Variants in CNTNAP2 observed in about 807,000 individuals in gnomAD.
CNTNAP2 encodes the protein contactin-associated protein-like 2.
CNTNAP2 carries 98 observed loss-of-function variants against 155.2 expected under a neutral mutation model. The observed-to-expected ratio is 0.63, with a 90% CI of 0.54 to 0.75. CNTNAP2 has a LOEUF of 0.75. Ranked by LOEUF, CNTNAP2 falls within the 30% of genes least tolerant of loss-of-function variation. The pLI, the probability that CNTNAP2 is intolerant of heterozygous loss-of-function variation, is 0.00. For synonymous variants in CNTNAP2, 651 were observed against 631.2 expected, an observed-to-expected ratio of 1.03 and a Z score of -0.47; for missense variants, 1,727 against 1,688.1, an observed-to-expected ratio of 1.02 and a Z score of -0.40.
chr7:147,190,042 C>A (rs1289172339), intron 8 of CNTNAP2, among the ~76,000 whole-genome samples: 1 of 152,076 alleles, frequency 6.6e-6, no homozygotes. Flanking sequence ...CCGTGCCCAC[C>A]CTTAACACCA....
At chr7:148,005,113 A>G (rs150161588) in intron 15 of CNTNAP2, among the ~76,000 whole-genome samples, 64 of 152,250 alleles carry the variant, frequency 4.2e-4, no homozygotes, top group African/African-American at 1.5e-3. Flanking sequence ...TAAACAACTG[A>G]AATTTGTATC....
At chr7:147,509,320 T>C (rs538476284) in intron 11 of CNTNAP2, among the ~76,000 whole-genome samples, 1 of 152,312 alleles carries the variant, frequency 6.6e-6, no homozygotes, top group African/African-American at 2.4e-5. Flanking sequence ...TGTCAAAAAA[T>C]ATCTTATTAA....
chr7:147,716,272 G>A (rs115777840), intron 13 of CNTNAP2, among the ~76,000 whole-genome samples: 1,640 of 152,248 alleles, frequency 0.011, 29 homozygotes, highest in African/African-American at 0.037. Flanking sequence ...CACACAGAGT[G>A]AGGTTAACAG....
intron 10 of CNTNAP2, among the ~76,000 whole-genome samples, chr7:147,407,854 G>C (rs1020311859): frequency 6.6e-6 from 1 of 152,250 alleles, no homozygotes; most frequent in East Asian, 1.9e-4. Flanking sequence ...CATTAGCCTC[G>C]GATGATGAGA....
At chr7:148,159,706 A>T (rs1405359287) in intron 17 of CNTNAP2, among the ~76,000 whole-genome samples, 1 of 152,152 alleles carries the variant, frequency 6.6e-6, no homozygotes, top group African/African-American at 2.4e-5. Context: ...GTATGTGTGT[A>T]CCTAATTTCA....
At chr7:146,184,653 G>A (rs1343808782) in intron 1 of CNTNAP2, among the ~76,000 whole-genome samples, 1 of 152,148 alleles carries the variant, frequency 6.6e-6, no homozygotes, top group Non-Finnish European at 1.5e-5. Flanking sequence ...TTCCCCAGGT[G>A]GATATTGGTA....
chr7:146,561,919 T>G (rs1798285638), intron 1 of CNTNAP2, among the ~76,000 whole-genome samples: 2 of 151,990 alleles, frequency 1.3e-5, no homozygotes, highest in South Asian at 4.2e-4. Flanking sequence ...GCCTCCTGAG[T>G]AGCTGGAACC....
intron 21 of CNTNAP2, among the ~76,000 whole-genome samples, chr7:148,377,131 C>G (rs13243666): frequency 0.25 from 16,676 of 66,790 alleles, 7,659 homozygotes; most frequent in East Asian, 0.9. Context: ...TTCTATTTCT[C>G]TCTCTCCAAG....
At chr7:147,391,350 G>A (rs889541811) in intron 9 of CNTNAP2, among the ~76,000 whole-genome samples, 1 of 151,878 alleles carries the variant, frequency 6.6e-6, no homozygotes, top group Admixed American at 6.6e-5. Context: ...TTCTGCCACT[G>A]TAAGTCATCC....
At chr7:147,891,349 C>T (rs541722142) in intron 13 of CNTNAP2, among the ~76,000 whole-genome samples, 1 of 151,934 alleles carries the variant, frequency 6.6e-6, no homozygotes, top group Admixed American at 6.6e-5. Context: ...GGATTGCAGG[C>T]GTGCACCATC....
At chr7:148,249,187 G>C (rs963501838) in intron 20 of CNTNAP2, among the ~76,000 whole-genome samples, 5 of 152,126 alleles carry the variant, frequency 3.3e-5, no homozygotes, top group Non-Finnish European at 5.9e-5. Context: ...CTGGGCTGCT[G>C]TCCACCACTG....
intron 15 of CNTNAP2, among the ~76,000 whole-genome samples, chr7:148,058,729 G>C (rs181852295): frequency 1.3e-5 from 2 of 152,158 alleles, no homozygotes; most frequent in South Asian, 4.1e-4. Flanking sequence ...ATTGAAAATA[G>C]GAAGAAGGAG....
At chr7:146,123,596 A>G (rs559898152) in intron 1 of CNTNAP2, among the ~76,000 whole-genome samples, 1 of 152,320 alleles carries the variant, frequency 6.6e-6, no homozygotes, top group East Asian at 1.9e-4. Flanking sequence ...ATATTGAAAT[A>G]GTATGTGAAA....
intron 17 of CNTNAP2, among the ~76,000 whole-genome samples, chr7:148,164,935 A>T (rs1432563568): frequency 1.3e-5 from 2 of 151,898 alleles, no homozygotes; most frequent in African/African-American, 2.4e-5. Flanking sequence ...GGCATGAGCC[A>T]CCATACCTGG....
chr7:146,907,227 C>T (rs1796153372), intron 3 of CNTNAP2, among the ~76,000 whole-genome samples: 1 of 150,674 alleles, frequency 6.6e-6, no homozygotes, highest in Admixed American at 6.6e-5. Context: ...AAACACTCTG[C>T]AGGATATTAT....
At chr7:147,993,067 T>C (rs1280435348) in intron 15 of CNTNAP2, among the ~76,000 whole-genome samples, 2 of 152,184 alleles carry the variant, frequency 1.3e-5, no homozygotes, top group East Asian at 1.9e-4. Context: ...CTCATTGACA[T>C]AGCTGAGATG....
intron 11 of CNTNAP2, among the ~76,000 whole-genome samples, chr7:147,538,508 C>A (rs1799586865): frequency 6.6e-6 from 1 of 151,858 alleles, no homozygotes; most frequent in South Asian, 2.1e-4. Flanking sequence ...AAACTTAGCC[C>A]ATGAGGTGGC....
intron 1 of CNTNAP2, among the ~76,000 whole-genome samples, chr7:146,764,076 T>C (rs761330202): frequency 6.6e-6 from 1 of 152,176 alleles, no homozygotes; most frequent in Admixed American, 6.5e-5. Context: ...AACCAGTTAA[T>C]GAAACCAGAG....
At chr7:147,176,960 T>G (rs1423631352) in intron 8 of CNTNAP2, among the ~76,000 whole-genome samples, 2 of 138,274 alleles carry the variant, frequency 1.4e-5, no homozygotes, top group Non-Finnish European at 3.1e-5. Flanking sequence ...TAAATATAAT[T>G]ATAATTCTAT....
Sources: gnomAD v4.1 joint callset for allele counts (sites outside exome capture counted in the v4.1 genomes callset) on GRCh38, gnomAD v4.1.1 for gene constraint, MANE v1.5 for transcripts, NCBI Gene and HGNC (gene_info 2026-07-23, HGNC 2026-07-21) for gene names.